ALDH1L1: variants seen among roughly 807,000 people sequenced by gnomAD.
The protein encoded by ALDH1L1 is aldehyde dehydrogenase 1 family member L1.
In ALDH1L1, 68 loss-of-function variants were observed where a neutral mutation model predicts 101.1. The observed-to-expected ratio is 0.67, with a 90% CI of 0.55 to 0.82. The LOEUF is 0.82. Among genes scored for constraint, ALDH1L1 ranks in the 40% least tolerant of loss-of-function variants. ALDH1L1 has a pLI of 0.00. For missense variants in ALDH1L1, 1,087 were observed against 1,172.7 expected (o/e 0.93, Z 1.07); for synonymous variants, 486 against 470.8 (o/e 1.03, Z -0.42).
rs552962821 is a variant in ALDH1L1, at chr3:126,114,749, C to T, written c.1983-93G>A. ...GGCAGGGACCTGGGTAGGCCCAAAG[C>T]ATGCTTTGCTGCAAGAAGCAAGACC... On this transcript the variant is annotated intron_variant, in intron 17 of 22. Transcript: ENST00000393434. The T allele has an allele frequency of 4.1e-6, 5 of 1,224,906 alleles. No individual in the cohort carries two copies. The Admixed American group carries it at 5.1e-5, about 13-fold the overall frequency. The allele number at this position is 1,224,906 out of a possible 1,614,324, so 75.9% of individuals were successfully genotyped here. A position where few individuals can be genotyped will look rare whatever the true frequency, so the allele number is the denominator to read the frequency against.
chr3:126,125,496 C>T (rs974353762), intron 15 of ALDH1L1, 120 bp downstream of exon 15: 6 of 711,552 alleles, frequency 8.4e-6, no homozygotes, highest in Non-Finnish European at 1.2e-5. Flanking sequence ...CTGGCATTAG[C>T]AGGACCCTTC....
intron 1 of ALDH1L1, among the ~76,000 whole-genome samples, chr3:126,175,639 T>C (rs564317310): frequency 6.6e-6 from 1 of 152,254 alleles, no homozygotes; most frequent in African/African-American, 2.4e-5. Context: ...TTGACAAGAA[T>C]CTAACATTCA....
intron 1 of ALDH1L1, among the ~76,000 whole-genome samples, chr3:126,193,441 G>GT (rs1339908718): frequency 2.0e-5 from 3 of 151,992 alleles, no homozygotes; most frequent in African/African-American, 7.2e-5. Flanking sequence ...CTATAATTTT[G>GT]TTTTTTTAAA....
At chr3:126,107,068 A>G in intron 21 of ALDH1L1, 73 bp downstream of exon 21, 6 of 1,401,050 alleles carry the variant, frequency 4.3e-6, no homozygotes, top group Non-Finnish European at 6.1e-6. Flanking sequence ...ACTACCTCCC[A>G]AAGCCCACAT....
chr3:126,196,380 CT>C (rs34527873), intron 1 of ALDH1L1, among the ~76,000 whole-genome samples: 57,876 of 138,924 alleles, frequency 0.42, 11,631 homozygotes, highest in Middle Eastern at 0.55. Flanking sequence ...AAGAAAACAG[CT>C]TTTTTTTTTT....
rs1250365784 is a variant in ALDH1L1, at chr3:126,158,480, C to A, written c.287G>T (p.Ser96Ile). Reference protein sequence around the residue: ...CSQFIPMEIISAPRHGSIIYH... With the variant: ...CSQFIPMEIIIAPRHGSIIYH... ...GATGATGGAGCCATGCCGGGGGGCA[C>A]TGATTATCTCCATGGGGATGAATTG... Residue 96 changes from serine to isoleucine, a missense_variant, in exon 3 of 23, where the codon AGT becomes ATT. Ser to Ile is a moderately radical substitution (Grantham distance 142). Coordinates refer to ENST00000393434, the MANE Select transcript of ALDH1L1 (RefSeq NM_012190.4). The A allele has an allele frequency of 6.2e-7, 1 of 1,614,070 alleles. No homozygotes were observed. The highest frequency in any genetic ancestry group is 1.7e-5 in the Admixed American group (1 of 60,014).
intron 7 of ALDH1L1, 58 bp from the exon 8 acceptor site, chr3:126,150,589 C>T: frequency 6.6e-7 from 1 of 1,508,440 alleles, no homozygotes; most frequent in Non-Finnish European, 8.9e-7. Context: ...GAGTCTTGCT[C>T]TGTTGCCCAG....
chr3:126,154,322 CA>C (rs1163119188), intron 6 of ALDH1L1, among the ~76,000 whole-genome samples: 1 of 152,196 alleles, frequency 6.6e-6, no homozygotes, highest in East Asian at 1.9e-4. Flanking sequence ...AGGGGCACTA[CA>C]AGGGCCTGGA....
intron 9 of ALDH1L1, among the ~76,000 whole-genome samples, chr3:126,138,682 C>G (rs1389890061): frequency 6.6e-6 from 1 of 152,208 alleles, no homozygotes; most frequent in East Asian, 1.9e-4. Flanking sequence ...GCACACACTG[C>G]TGGCAGGGAT....
intron 12 of ALDH1L1, 124 bp from the exon 13 acceptor site, chr3:126,131,658 G>A: frequency 8.9e-7 from 1 of 1,123,262 alleles, no homozygotes; most frequent in South Asian, 1.6e-5. Flanking sequence ...ACTCTCAGAT[G>A]TGCGGACCTC....
intron 16 of ALDH1L1, among the ~76,000 whole-genome samples, chr3:126,124,089 A>G (rs991420800): frequency 3.3e-5 from 5 of 150,786 alleles, no homozygotes; most frequent in African/African-American, 1.2e-4. Context: ...CCCAAGTAAC[A>G]AGTTTATTCC....
At chr3:126,159,390 G>C in intron 2 of ALDH1L1, 1 of 456,294 alleles carries the variant, frequency 2.2e-6, no homozygotes, top group Non-Finnish European at 4.4e-6. Flanking sequence ...TACAGTGGCA[G>C]CTGCTTCCTG....
At chr3:126,182,150 T>A (rs1393170782), upstream of ALDH1L1, among the ~76,000 whole-genome samples, 1 of 151,044 alleles carries the variant, frequency 6.6e-6, no homozygotes, top group Non-Finnish European at 1.5e-5. Context: ...CAACTTTATT[T>A]ATTTATTTTT....
chr3:126,187,798 G>A (rs2081529562), intron 1 of ALDH1L1, among the ~76,000 whole-genome samples: 3 of 152,142 alleles, frequency 2.0e-5, no homozygotes, highest in Admixed American at 2.0e-4. Context: ...GGGTCGTGCT[G>A]GAGCAGTTGA....
In ALDH1L1 at chr3:126,137,798, G is replaced by C. The variant is rs771031920; in HGVS notation, c.1224+15C>G. The C allele has an allele frequency of 1.2e-6, 2 of 1,611,380 alleles. No homozygotes were observed. ...GGCTCTGCAGGGCCTGCTGCAGGGA[G>C]GGCCCAGCACTCACGTAGTCAATGC... On this transcript the variant is annotated intron_variant, in intron 10 of 22. Transcript: ENST00000393434.
chr3:126,132,519 A>G (rs987281890), intron 12 of ALDH1L1, among the ~76,000 whole-genome samples: 2 of 151,956 alleles, frequency 1.3e-5, no homozygotes, highest in Non-Finnish European at 2.9e-5. Flanking sequence ...TCCTCCTCAC[A>G]TCGGCCTCTT....
intron 1 of ALDH1L1, among the ~76,000 whole-genome samples, chr3:126,178,995 G>A (rs1017502525): frequency 6.6e-6 from 1 of 152,138 alleles, no homozygotes; most frequent in Non-Finnish European, 1.5e-5. Context: ...CAGAGTCCAG[G>A]TGGCCACCAA....
At chr3:126,193,469 T>C (rs1239907339) in intron 1 of ALDH1L1, among the ~76,000 whole-genome samples, 1 of 152,218 alleles carries the variant, frequency 6.6e-6, no homozygotes, top group East Asian at 1.9e-4. Flanking sequence ...CCCTTTTTGC[T>C]GGGTTCTCAC....
chr3:126,142,238 T>C (rs1258462110), intron 9 of ALDH1L1, among the ~76,000 whole-genome samples: 2 of 149,506 alleles, frequency 1.3e-5, no homozygotes, highest in Non-Finnish European at 3.0e-5. Flanking sequence ...CAGGGCTGAA[T>C]GATTTCACTG....
Sources: gnomAD v4.1 joint callset for allele counts (sites outside exome capture counted in the v4.1 genomes callset) on GRCh38, gnomAD v4.1.1 for gene constraint, MANE v1.5 for transcripts, NCBI Gene and HGNC (gene_info 2026-07-23, HGNC 2026-07-21) for gene names.